The following MORN1 variants were observed in gnomAD, a reference collection of about 807,000 sequenced individuals.
MORN1 encodes the protein MORN repeat-containing protein 1.
A neutral mutation model predicts 61.9 loss-of-function variants in MORN1; 67 were observed. That is an observed-to-expected ratio of 1.08 (90% CI 0.89 to 1.33). MORN1 has a LOEUF of 1.33. MORN1 is among the 40% of genes most tolerant of loss of function. MORN1 has a pLI of 0.00. For synonymous variants in MORN1, 301 were observed against 292.0 expected (o/e 1.03, Z -0.31); for missense variants, 752 against 691.2 (o/e 1.09, Z -0.99).
chr1:2,340,582 C>T (rs1641374277), intron 10 of MORN1, among the ~76,000 whole-genome samples: 2 of 152,226 alleles, frequency 1.3e-5, no homozygotes, highest in African/African-American at 4.8e-5. Flanking sequence ...AGGCCTCCAG[C>T]ACCCCTGGTC....
chr1:2,332,905 T>C (rs1428519869), intron 12 of MORN1, among the ~76,000 whole-genome samples: 1 of 152,136 alleles, frequency 6.6e-6, no homozygotes, highest in African/African-American at 2.4e-5. Context: ...GGGCTCGGGC[T>C]GGGGCTCCGT....
At chr1:2,356,031 G>C (rs1314869794) in intron 10 of MORN1, among the ~76,000 whole-genome samples, 1 of 152,240 alleles carries the variant, frequency 6.6e-6, no homozygotes, top group Non-Finnish European at 1.5e-5. Flanking sequence ...GGGGCCTGGA[G>C]GGTTGGAGTT....
At chr1:2,326,356 TAA>T (rs1481514562) in intron 12 of MORN1, 2 of 151,574 alleles carry the variant, frequency 1.3e-5, no homozygotes, top group Admixed American at 1.3e-4. Context: ...GCTGCCAGCC[TAA>T]GAGAAAGGAG....
At chr1:2,322,226 A>G (rs1640897511) in intron 13 of MORN1, 2 of 985,306 alleles carry the variant, frequency 2.0e-6, no homozygotes, top group African/African-American at 1.7e-5. Context: ...AAAGAAAATA[A>G]GAAATAACAA....
In MORN1 at chr1:2,336,539, C is replaced by T. The variant is rs374809246; in HGVS notation, c.1180G>A (p.Gly394Ser). The change falls in exon 12 of 14, where the codon GGC becomes AGC. Residue 394 changes from glycine to serine, a missense_variant. By Grantham distance (56) the Gly-to-Ser change is moderately conservative. Coordinates refer to ENST00000378531, the MANE Select transcript of MORN1 (RefSeq NM_024848.3). ...FLDSLHKKAG[G>S]RSRGGLHPRG... The stretch of plus-strand genomic sequence containing the variant: ...GGGTGCAGGCCGCCTCTGGATCTGC[C>T]GCCTGCCTTCTAGAAAGATTGGGCA... 5.0e-5 allele frequency: 80 copies of T among 1,612,580 alleles called. No individual in the cohort carries two copies. Among genetic ancestry groups the T allele is most frequent in the East Asian group, 6.7e-5 (3 of 44,888 alleles).
Position 2,388,234 on chromosome 1 carries a change from C to T in MORN1, c.247+5G>A. 6.2e-7 allele frequency: 1 copy of T among 1,612,368 alleles called. No homozygotes were observed. The highest frequency in any genetic ancestry group is 8.5e-7 in the Non-Finnish European group (1 of 1,178,780). ...AGTGAATGTGCCATCCCAGCTAGAG[C>T]TCACCTGACCAGGCCCAGTGCCGGC... On this transcript the variant is annotated splice_donor_5th_base_variant and intron_variant, in intron 3 of 13. Coordinates refer to ENST00000378531, the MANE Select transcript of MORN1 (RefSeq NM_024848.3).
At chr1:2,329,671 A>C (rs1226447357) in intron 12 of MORN1, among the ~76,000 whole-genome samples, 1 of 152,046 alleles carries the variant, frequency 6.6e-6, no homozygotes, top group East Asian at 1.9e-4. Flanking sequence ...CAAGGCCCAG[A>C]GAGGAGGCAG....
At chr1:2,326,410 G>A (rs1188681001) in intron 12 of MORN1, 2 of 152,110 alleles carry the variant, frequency 1.3e-5, no homozygotes, top group African/African-American at 2.4e-5. Flanking sequence ...AGAACCCCCA[G>A]GGCTTTGAGA....
intron 10 of MORN1, among the ~76,000 whole-genome samples, chr1:2,353,626 C>A (rs184224549): frequency 6.6e-6 from 1 of 152,252 alleles, no homozygotes; most frequent in Non-Finnish European, 1.5e-5. Context: ...GCTGTCCTGG[C>A]TGGAACTGAA....
At chr1:2,374,859 CA>C (rs58562601) in intron 6 of MORN1, 30,444 of 243,998 alleles carry the variant, frequency 0.12, 606 homozygotes, top group South Asian at 0.24. Flanking sequence ...CACATTTCAG[CA>C]AAAAAAAAAA....
chr1:2,367,944 C>A (rs1482133649), intron 8 of MORN1, among the ~76,000 whole-genome samples: 2 of 152,016 alleles, frequency 1.3e-5, no homozygotes, highest in East Asian at 1.9e-4. Context: ...ATATAAAATT[C>A]TTAAAAGAAA....
Position 2,337,167 on chromosome 1 carries a change from C to T in MORN1, c.1037-317G>A, listed in dbSNP as rs933868240. On this transcript the variant is annotated intron_variant, in intron 10 of 13. Transcript: ENST00000378531. This position sits in a 1 kb window ranked among gnomAD's most constrained non-coding sequence, Gnocchi z 5.7. ...TCTCCCATCAGCAGCCCCCGTCAGC[C>T]GAGGCACTCGCTTCCAGGGTAGGGC... 3.3e-5 allele frequency among the ~76,000 whole-genome samples: 5 copies of T among 152,136 alleles called. No homozygotes were observed. The highest frequency in any genetic ancestry group is 5.9e-5 in the Non-Finnish European group (4 of 68,012).
chr1:2,333,578 A>C (rs1356595393), intron 12 of MORN1, among the ~76,000 whole-genome samples: 1 of 152,220 alleles, frequency 6.6e-6, no homozygotes, highest in African/African-American at 2.4e-5. Context: ...CTGGGACTCC[A>C]GGGTGCTAGC....
chr1:2,321,859 C>T (rs369502862), intron 13 of MORN1, among the ~76,000 whole-genome samples: 3 of 152,186 alleles, frequency 2.0e-5, no homozygotes, highest in Admixed American at 6.5e-5. Context: ...GCCTCCAGCT[C>T]GGAGGCTGGC....
chr1:2,332,572 G>T (rs1200035160), intron 12 of MORN1: 1 of 456,248 alleles, frequency 2.2e-6, no homozygotes, highest in African/African-American at 2.0e-5. Context: ...GCTGTGAGGG[G>T]CACGGCAGAC....
Position 2,357,978 on chromosome 1 carries a change from G to A in MORN1, c.870-380C>T, listed in dbSNP as rs999604462. Among the ~76,000 whole-genome samples, 1 of 152,178 alleles carries A rather than the reference G, an allele frequency of 6.6e-6. No individual in the cohort carries two copies. The highest frequency in any genetic ancestry group is 2.4e-5 in the African/African-American group (1 of 41,438). ...GGGAAAAGGGAGTGTGAGAGCTGTG[G>A]CGTCACACTCAGGTCTGGTCGCCTG... is the stretch of plus-strand genomic sequence containing the variant. On this transcript the variant is annotated intron_variant, in intron 9 of 13. Coordinates refer to ENST00000378531, the MANE Select transcript of MORN1 (RefSeq NM_024848.3). This position sits in a 1 kb window ranked among gnomAD's most constrained non-coding sequence, Gnocchi z 6.3.
At chr1:2,338,310 TTAAC>T (rs774810680) in intron 10 of MORN1, among the ~76,000 whole-genome samples, 2 of 152,204 alleles carry the variant, frequency 1.3e-5, no homozygotes, top group Non-Finnish European at 2.9e-5. Flanking sequence ...AGGACACTCT[TTAAC>T]TGACATCCTT....
chr1:2,323,826 G>T (rs1363903835), intron 13 of MORN1: 1 of 985,112 alleles, frequency 1.0e-6, no homozygotes, highest in Non-Finnish European at 1.2e-6. Flanking sequence ...TGCCCCCGTG[G>T]CTTCCTCCTT....
chr1:2,343,755 A>G (rs1641451040), intron 10 of MORN1, among the ~76,000 whole-genome samples: 1 of 152,320 alleles, frequency 6.6e-6, no homozygotes, highest in African/African-American at 2.4e-5. Flanking sequence ...CGCAGAGGCC[A>G]GCTTTCCCGG....
Sources: allele counts gnomAD v4.1 joint callset (sites outside exome capture counted in the v4.1 genomes callset), GRCh38; gene constraint gnomAD v4.1.1; non-coding constraint Gnocchi (gnomAD v3.1); transcripts MANE v1.5; gene names NCBI Gene and HGNC (gene_info 2026-07-23, HGNC 2026-07-21).